DTD1: variants seen among roughly 807,000 people sequenced by gnomAD.
DTD1 encodes D-aminoacyl-tRNA deacylase 1.
A neutral mutation model predicts 25.6 loss-of-function variants in DTD1; 13 were observed. That is an observed-to-expected ratio of 0.51 (90% confidence interval 0.33 to 0.81). DTD1 has a LOEUF of 0.81. Among genes scored for constraint, DTD1 ranks in the 30% least tolerant of loss-of-function variants. The pLI, the probability that DTD1 is intolerant of heterozygous loss-of-function variation, is 0.02. For missense variants in DTD1, 193 were observed against 266.4 expected, an observed-to-expected ratio of 0.72 and a Z score of 1.92; for synonymous variants, 110 against 103.6, an observed-to-expected ratio of 1.06 and a Z score of -0.37.
rs2061378087 is a variant in DTD1, at chr20:18,766,069, A to G, written c.*2729A>G. On this transcript the variant is annotated 3_prime_UTR_variant, in exon 6 of 6. Transcript: ENST00000377452. ...AAATAAAGGCATCTTTGGGGGCTGG[A>G]TGTCCATAGCAGCACCTCATGGTTA... 6.6e-6 allele frequency: 1 copy of G among 152,212 alleles called. No individual in the cohort carries two copies. Among genetic ancestry groups the G allele is most frequent in the South Asian group, 2.1e-4 (1 of 4,836 alleles). 9.4% of individuals were successfully genotyped at this position (152,212 alleles called of 1,614,324 possible). A position where few individuals can be genotyped will look rare whatever the true frequency, so the allele number is the denominator to read the frequency against.
At chr20:18,631,286 T>C (rs1051442724) in intron 4 of DTD1, 2 of 984,642 alleles carry the variant, frequency 2.0e-6, no homozygotes, top group Non-Finnish European at 2.4e-6. Context: ...CAAAAAATAT[T>C]ACAAATTTCA....
At chr20:18,723,216 C>CA (rs1459454857) in intron 4 of DTD1, among the ~76,000 whole-genome samples, 1 of 152,176 alleles carries the variant, frequency 6.6e-6, no homozygotes, top group African/African-American at 2.4e-5. Context: ...ACAGCTGTGG[C>CA]AACCAAAAAT....
At chr20:18,750,415 A>G (rs2061317615) in intron 5 of DTD1, among the ~76,000 whole-genome samples, 1 of 152,184 alleles carries the variant, frequency 6.6e-6, no homozygotes, top group Non-Finnish European at 1.5e-5. Context: ...GCTTTTCTTT[A>G]AATACAGAAA....
At chr20:18,658,660 T>C (rs1023321868) in intron 4 of DTD1, among the ~76,000 whole-genome samples, 7 of 152,232 alleles carry the variant, frequency 4.6e-5, no homozygotes, top group African/African-American at 1.7e-4. Flanking sequence ...GTTAGTAAGT[T>C]GTAGGAAGAG....
chr20:18,632,172 C>CA, intron 4 of DTD1: 1 of 985,288 alleles, frequency 1.0e-6, no homozygotes, highest in Non-Finnish European at 1.2e-6. Context: ...CTCCCCAAAT[C>CA]AAAAAATCCT....
At chr20:18,608,111 C>G (rs2060669616) in intron 3 of DTD1, among the ~76,000 whole-genome samples, 2 of 151,804 alleles carry the variant, frequency 1.3e-5, no homozygotes, top group African/African-American at 4.8e-5. Context: ...CCCTGAGAAA[C>G]TAAGGGAATT....
rs1240959939 is a variant in DTD1, at chr20:18,708,258, ATATATTTT to A, written c.478-35841_478-35834del. ...TATATATATATAATATATATTATAT[ATATATTTT>A]ATATATATATAATATATATTATATA... On this transcript the variant is annotated intron_variant, in intron 4 of 5. Coordinates refer to ENST00000377452, the MANE Select transcript of DTD1 (RefSeq NM_080820.6). Among the ~76,000 whole-genome samples, 88 of 30,662 alleles carry A rather than the reference ATATATTTT, an allele frequency of 2.9e-3. 4 individuals carry two copies. The highest frequency in any genetic ancestry group is 1.5e-3 in the Admixed American group (3 of 1,968). The allele number at this position is 30,662 out of a possible 152,430, so 20.1% of individuals were successfully genotyped here. A position where few individuals can be genotyped will look rare whatever the true frequency, so the allele number is the denominator to read the frequency against.
At position 18,723,567 on chromosome 20, in the gene DTD1, G is replaced by A. The variant is rs540794837; in HGVS notation, c.478-20533G>A. On this transcript the variant is annotated intron_variant, in intron 4 of 5. Coordinates refer to ENST00000377452, the MANE Select transcript of DTD1 (RefSeq NM_080820.6). ...ACAGGAACAAATGATCATATTCCAA[G>A]CAGGTTATTTTCTGTAGCCAGCTCT... Among the ~76,000 whole-genome samples, 253 of 152,328 alleles carry A rather than the reference G, an allele frequency of 1.7e-3. 1 individual carries two copies. Among genetic ancestry groups the A allele is most frequent in the Non-Finnish European group, 2.4e-3 (161 of 68,036 alleles).
chr20:18,632,600 C>A, intron 4 of DTD1: 1 of 984,552 alleles, frequency 1.0e-6, no homozygotes, highest in Non-Finnish European at 1.2e-6. Flanking sequence ...GCTTTTAATT[C>A]TCAGTGTTTT....
chr20:18,649,713 A>G (rs575670560), intron 4 of DTD1, among the ~76,000 whole-genome samples: 1 of 152,134 alleles, frequency 6.6e-6, no homozygotes, highest in Non-Finnish European at 1.5e-5. Flanking sequence ...CAGTTGTAGA[A>G]GTAACACGCT....
intron 4 of DTD1, among the ~76,000 whole-genome samples, chr20:18,724,075 A>AG (rs2061214983): frequency 2.0e-5 from 3 of 152,228 alleles, no homozygotes; most frequent in Non-Finnish European, 1.5e-5. Flanking sequence ...CCCCCTTTTA[A>AG]GACTTTCCTG....
intron 4 of DTD1, among the ~76,000 whole-genome samples, chr20:18,670,047 TC>T (rs1180410916): frequency 6.6e-6 from 1 of 152,142 alleles, no homozygotes; most frequent in Non-Finnish European, 1.5e-5. Flanking sequence ...GCTTCCTTCT[TC>T]CTGCCCTCTT....
chr20:18,658,189 ATGTGTGTGTGTGTGTGTG>A (rs60197503), intron 4 of DTD1, among the ~76,000 whole-genome samples: 2 of 146,140 alleles, frequency 1.4e-5, no homozygotes, highest in East Asian at 2.0e-4. Flanking sequence ...AGAGTCTGAG[ATGTGTGTGTGTGTGTGTG>A]TGTGTGTGTG....
In DTD1 at chr20:18,713,088, C is replaced by A. The variant is rs1385666337; in HGVS notation, c.478-31012C>A. 2.0e-5 allele frequency among the ~76,000 whole-genome samples: 3 copies of A among 152,288 alleles called. No individual in the cohort carries two copies. The East Asian group carries it at 5.8e-4, about 29-fold the overall frequency. On this transcript the variant is annotated intron_variant, in intron 4 of 5. Coordinates refer to ENST00000377452, the MANE Select transcript of DTD1 (RefSeq NM_080820.6). ...GCTGGAGAGCTGTTCCCGGGGCTCA[C>A]CATAGCCTCTGCTCCCCCTCCCATG... is the stretch of plus-strand genomic sequence containing the variant.
intron 4 of DTD1, among the ~76,000 whole-genome samples, chr20:18,721,415 G>A (rs1314885841): frequency 6.6e-6 from 1 of 152,028 alleles, no homozygotes; most frequent in Non-Finnish European, 1.5e-5. Context: ...AGTCAGATTT[G>A]GTCATAGTAT....
At chr20:18,611,906 G>A (rs1431389853) in intron 3 of DTD1, among the ~76,000 whole-genome samples, 3 of 152,108 alleles carry the variant, frequency 2.0e-5, no homozygotes, top group Non-Finnish European at 4.4e-5. Context: ...CAAGGCTAGA[G>A]TGCAGTGGCA....
chr20:18,701,026 T>G (rs1390170414), intron 4 of DTD1, among the ~76,000 whole-genome samples: 1 of 152,210 alleles, frequency 6.6e-6, no homozygotes. Flanking sequence ...CTAAAGCACA[T>G]GTTAACTGAT....
chr20:18,755,082 A>T (rs758559895), intron 5 of DTD1, among the ~76,000 whole-genome samples: 2 of 152,216 alleles, frequency 1.3e-5, no homozygotes, highest in Non-Finnish European at 2.9e-5. Flanking sequence ...ACCTCTCAGG[A>T]TCCCTTCCAG....
intron 4 of DTD1, among the ~76,000 whole-genome samples, chr20:18,724,014 G>C (rs570526400): frequency 6.6e-6 from 1 of 152,278 alleles, no homozygotes; most frequent in African/African-American, 2.4e-5. Context: ...GCATTGCGTG[G>C]AGACACACAG....
Sources: allele counts gnomAD v4.1 joint callset (sites outside exome capture counted in the v4.1 genomes callset), GRCh38; gene constraint gnomAD v4.1.1; transcripts MANE v1.5; gene names NCBI Gene and HGNC (gene_info 2026-07-23, HGNC 2026-07-21).